PLPBP: variants seen among roughly 807,000 people sequenced by gnomAD.
PLPBP encodes the protein pyridoxal phosphate homeostasis protein.
Under a neutral mutation model 31.2 loss-of-function variants are expected in PLPBP, and 21 were observed. The observed-to-expected ratio is 0.67, with a 90% CI of 0.48 to 0.97. The LOEUF is 0.97. Ranked by LOEUF, PLPBP falls within the 50% of genes least tolerant of loss-of-function variation. The pLI, the probability that PLPBP is intolerant of heterozygous loss-of-function variation, is 0.00. For synonymous variants in PLPBP, 124 were observed against 135.6 expected (o/e 0.91, Z 0.59); for missense variants, 308 against 354.4 (o/e 0.87, Z 1.05).
rs761356496 is a variant in PLPBP, at chr8:37,765,580, G to C, written c.154G>C (p.Asp52His). 1 of 1,614,092 alleles carries C rather than the reference G, an allele frequency of 6.2e-7. No homozygotes were observed. Among genetic ancestry groups the C allele is most frequent in the South Asian group, 1.1e-5 (1 of 91,074 alleles). The change falls in exon 2 of 8, where the codon GAC (aspartate) becomes CAC (histidine). Residue 52 changes from aspartate (D) to histidine (H), a missense_variant. By Grantham distance (81) the Asp-to-His change is moderately conservative (BLOSUM62 -1). Coordinates refer to ENST00000328195, the MANE Select transcript of PLPBP (RefSeq NM_007198.4). ...GGCGGTCAGCAAAACCAAACCTGCA[G>C]ACATGGTGATCGAGGCCTATGGACA... Reference protein sequence around the residue: ...LVAVSKTKPADMVIEAYGHGQ... With the variant: ...LVAVSKTKPAHMVIEAYGHGQ...
intron 5 of PLPBP, 64 bp from the exon 6 acceptor site, chr8:37,775,275 A>G (rs1803870208): frequency 2.6e-5 from 42 of 1,586,338 alleles, no homozygotes; most frequent in Non-Finnish European, 3.5e-5. Context: ...AAGGGAGGAA[A>G]ATGGAGCCTT....
chr8:37,774,644 A>C (rs902983377), intron 5 of PLPBP, among the ~76,000 whole-genome samples: 5 of 152,246 alleles, frequency 3.3e-5, no homozygotes, highest in Non-Finnish European at 7.3e-5. Context: ...TCCTAGAGTC[A>C]GACTACCTGG....
intron 7 of PLPBP, among the ~76,000 whole-genome samples, chr8:37,776,413 T>A (rs1803912226): frequency 6.8e-6 from 1 of 146,042 alleles, no homozygotes; most frequent in South Asian, 2.1e-4. Flanking sequence ...GAGGCGGAGA[T>A]TGCAGTGAGC....
In PLPBP at chr8:37,765,605, A is replaced by G; in HGVS notation, c.179A>G (p.His60Arg). Reference sequence around the variant, plus strand: ...GACATGGTGATCGAGGCCTATGGACATGGGCAGCGCACTTTTGGCGAGAAC... The same window carrying G: ...GACATGGTGATCGAGGCCTATGGACGTGGGCAGCGCACTTTTGGCGAGAAC... Reference protein sequence around the residue: ...PADMVIEAYGHGQRTFGENYV... With the variant: ...PADMVIEAYGRGQRTFGENYV... Residue 60 changes from histidine (H) to arginine (R), a missense_variant, in exon 2 of 8, where the codon CAT becomes CGT. His to Arg is a conservative substitution (Grantham distance 29). Coordinates refer to ENST00000328195, the MANE Select transcript of PLPBP (RefSeq NM_007198.4). 1 of 1,614,202 alleles carries G rather than the reference A, an allele frequency of 6.2e-7. No individual in the cohort carries two copies. The highest frequency in any genetic ancestry group is 8.5e-7 in the Non-Finnish European group (1 of 1,180,018).
intron 4 of PLPBP, among the ~76,000 whole-genome samples, chr8:37,769,377 A>G (rs1057198563): frequency 2.0e-5 from 3 of 151,686 alleles, no homozygotes; most frequent in African/African-American, 4.8e-5. Context: ...TAAAAGAACA[A>G]CTAGCAGATT....
rs758995414 is a variant in PLPBP, at chr8:37,772,818, G to A, written c.383G>A (p.Ser128Asn). The A allele has an allele frequency of 3.7e-6, 6 of 1,614,052 alleles. No individual in the cohort carries two copies. The highest frequency in any genetic ancestry group is 2.7e-5 in the African/African-American group (2 of 74,936). ...DSVKLADKVNSSWQRKGSPER... is the reference protein window; with the variant it reads ...DSVKLADKVNNSWQRKGSPER... ...GTGAAGTTGGCAGACAAAGTGAACA[G>A]TTCCTGGCAGAGAAAAGGTTCTCCT... The change falls in exon 5 of 8, where the codon AGT becomes AAT. Residue 128 changes from serine (S) to asparagine (N), a missense_variant. Physicochemically the swap from Ser to Asn is conservative, Grantham distance 46. This residue lies in a region of PLPBP where 188 missense variants were observed against 259.3 expected (regional missense o/e 0.73). Transcript: ENST00000328195.
intron 3 of PLPBP, 59 bp downstream of exon 3, chr8:37,765,805 T>G: frequency 6.3e-7 from 1 of 1,577,998 alleles, no homozygotes; most frequent in Non-Finnish European, 8.6e-7. Context: ...TAGTTGAAAA[T>G]TAGACCCATC....
intron 7 of PLPBP, among the ~76,000 whole-genome samples, chr8:37,776,388 A>G (rs1208403867): frequency 6.7e-6 from 1 of 149,386 alleles, no homozygotes; most frequent in Non-Finnish European, 1.5e-5. Context: ...AGGCAGGAGA[A>G]TCGCTTGAAC....
rs1803870515 is a variant in PLPBP, at chr8:37,775,283, C to G, written c.455-56C>G. 4 of 1,599,668 alleles carry G rather than the reference C, an allele frequency of 2.5e-6. No homozygotes were observed. The East Asian group carries it at 8.9e-5, about 36-fold the overall frequency. ...CGTAAGGAAGGGAGGAAAATGGAGC[C>G]TTCCTCTGGCCATTTACCCTTGCAG... On this transcript the variant is annotated intron_variant, in intron 5 of 7. Transcript: ENST00000328195.
Position 37,762,742 on chromosome 8 carries a change from T to C in PLPBP, c.83T>C (p.Val28Ala), listed in dbSNP as rs1399840137. ...GTGAACGAGCGCGTGCAGCAGGCTG[T>C]GGCGCGGCGGCCGCGGGTGAGGAAG... ...RAVNERVQQAVARRPRDLPAI... is the reference protein window; with the variant it reads ...RAVNERVQQAAARRPRDLPAI... The change falls in exon 1 of 8, where the codon GTG becomes GCG. Residue 28 changes from valine to alanine, a missense_variant. Physicochemically the swap from Val to Ala is moderately conservative, Grantham distance 64. Around this residue, in one of 2 missense-constraint regions of PLPBP, gnomAD observed 120 missense variants for 95.1 expected, o/e 1.26. Coordinates refer to ENST00000328195, the MANE Select transcript of PLPBP (RefSeq NM_007198.4). The C allele has an allele frequency of 6.4e-7, 1 of 1,573,842 alleles. No individual in the cohort carries two copies. The highest frequency in any genetic ancestry group is 2.3e-5 in the East Asian group (1 of 43,626).
At chr8:37,771,234 T>G (rs1281575537) in intron 4 of PLPBP, among the ~76,000 whole-genome samples, 1 of 152,098 alleles carries the variant, frequency 6.6e-6, no homozygotes, top group Non-Finnish European at 1.5e-5. Context: ...CCTCCCAGAT[T>G]GAAGGAATTC....
At chr8:37,764,345 G>A (rs553489020) in intron 1 of PLPBP, among the ~76,000 whole-genome samples, 23 of 139,610 alleles carry the variant, frequency 1.6e-4, no homozygotes, top group African/African-American at 6.2e-4. Context: ...ATTTTGAGAC[G>A]GAGTCTCACT....
intron 5 of PLPBP, among the ~76,000 whole-genome samples, chr8:37,774,249 A>T (rs1162676034): frequency 1.3e-5 from 2 of 152,232 alleles, no homozygotes; most frequent in African/African-American, 4.8e-5. Flanking sequence ...GGTGAGCACC[A>T]GTCAATGAAT....
intron 4 of PLPBP, among the ~76,000 whole-genome samples, chr8:37,767,314 C>G (rs1347357778): frequency 6.6e-6 from 1 of 152,170 alleles, no homozygotes; most frequent in African/African-American, 2.4e-5. Context: ...CTAAAAGTTT[C>G]CTCCTGTCCC....
chr8:37,766,450 C>T, intron 4 of PLPBP, 95 bp downstream of exon 4: 1 of 1,391,948 alleles, frequency 7.2e-7, no homozygotes, highest in Non-Finnish European at 9.5e-7. Flanking sequence ...AGAATAGCCC[C>T]AATTCACCAT....
At position 37,775,258 on chromosome 8, in the gene PLPBP, C is replaced by T. The variant is rs1015157523; in HGVS notation, c.455-81C>T. 1.7e-5 allele frequency: 26 copies of T among 1,533,410 alleles called. No homozygotes were observed. In the East Asian group the frequency reaches 2.9e-4, roughly 17 times the overall value. 95.0% of individuals were successfully genotyped at this position (1,533,410 alleles called of 1,614,324 possible). The stretch of plus-strand genomic sequence containing the variant: ...TCTTGTTGGGGGTCACCTCTTCTGT[C>T]GTAAGGAAGGGAGGAAAATGGAGCC... On this transcript the variant is annotated intron_variant, in intron 5 of 7. Transcript: ENST00000328195.
rs1803967881 is a variant in PLPBP, at chr8:37,778,129, C to T, written c.*25C>T. 1 of 1,609,452 alleles carries T rather than the reference C, an allele frequency of 6.2e-7. No individual in the cohort carries two copies. Among genetic ancestry groups the T allele is most frequent in the Non-Finnish European group, 8.5e-7 (1 of 1,176,978 alleles). On this transcript the variant is annotated 3_prime_UTR_variant, in exon 8 of 8. Coordinates refer to ENST00000328195, the MANE Select transcript of PLPBP (RefSeq NM_007198.4). The stretch of plus-strand genomic sequence containing the variant: ...AGCCAGGGAATACTGAGAGCACTAA[C>T]TATGCACTAACCTAGATTTTCATTT...
At chr8:37,777,897 G>A (rs951210801) in intron 7 of PLPBP, 76 bp from the exon 8 acceptor site, 6 of 1,492,970 alleles carry the variant, frequency 4.0e-6, no homozygotes, top group Middle Eastern at 3.6e-4. Context: ...GAGCCAGAAT[G>A]GGGGCACAGC....
intron 3 of PLPBP, 95 bp from the exon 4 acceptor site, chr8:37,766,185 G>A: frequency 1.2e-6 from 1 of 849,564 alleles, no homozygotes; most frequent in South Asian, 1.6e-5. Context: ...GGAACAGAGA[G>A]TGGATGTGAA....
Sources: allele counts gnomAD v4.1 joint callset (sites outside exome capture counted in the v4.1 genomes callset), GRCh38; gene constraint gnomAD v4.1.1; regional missense constraint gnomAD v4.1.1; transcripts MANE v1.5; gene names NCBI Gene and HGNC (gene_info 2026-07-23, HGNC 2026-07-21).